MTAP: variants seen among roughly 807,000 people sequenced by gnomAD.
MTAP encodes the protein S-methyl-5'-thioadenosine phosphorylase.
Under a neutral mutation model 33.6 loss-of-function variants are expected in MTAP, and 33 were observed. The observed-to-expected ratio is 0.98, with a 90% CI of 0.74 to 1.31. MTAP has a LOEUF of 1.31. MTAP is among the 40% of genes most tolerant of loss of function. MTAP has a pLI of 0.00. For missense variants in MTAP, 367 were observed against 360.0 expected (o/e 1.02, Z -0.16); for synonymous variants, 148 against 125.7 (o/e 1.18, Z -1.19).
In MTAP at chr9:21,862,293, C is replaced by T. The variant is rs951886861; in HGVS notation, c.*279C>T. ...AAAAACCCACCATTCTCTTCTCCCC[C>T]TATTAAATTTGCAACAATAAAGGGT... is the stretch of plus-strand genomic sequence containing the variant. On this transcript the variant is annotated 3_prime_UTR_variant, in exon 8 of 8. Transcript: ENST00000644715. 3.2e-5 allele frequency: 18 copies of T among 570,742 alleles called. No homozygotes were observed. The highest frequency in any genetic ancestry group is 4.6e-5 in the Admixed American group (1 of 21,908). 35.4% of individuals were successfully genotyped at this position (570,742 alleles called of 1,614,324 possible).
At chr9:21,847,783 C>T (rs1394132570) in intron 5 of MTAP, among the ~76,000 whole-genome samples, 1 of 152,202 alleles carries the variant, frequency 6.6e-6, no homozygotes, top group Admixed American at 6.5e-5. Flanking sequence ...GAATGAAAGA[C>T]TTATCTCCTG....
At chr9:21,832,085 C>A (rs1216355305) in intron 4 of MTAP, among the ~76,000 whole-genome samples, 2 of 152,158 alleles carry the variant, frequency 1.3e-5, no homozygotes, top group African/African-American at 4.8e-5. Flanking sequence ...TGGTATCCTC[C>A]CCTCTTCAGA....
chr9:21,906,934 C>G lies in MTAP; in HGVS notation c.148-24074C>G, dbSNP rs1373340633. Among the ~76,000 whole-genome samples the G allele has an allele frequency of 3.3e-5, 5 of 152,244 alleles. No individual in the cohort carries two copies. In the South Asian group the frequency reaches 8.3e-4, roughly 25 times the overall value. On this transcript the variant is annotated intron_variant, in intron 1 of 1. Coordinates refer to the MTAP transcript ENST00000577563. ...TGTCAAAGAATGCTTGGCAGTAATT[C>G]AGTAAATTAACAGAATGTCCTGGAA...
downstream of MTAP, among the ~76,000 whole-genome samples, chr9:21,867,772 G>T (rs1380375549): frequency 1.3e-5 from 2 of 151,868 alleles, no homozygotes; most frequent in Admixed American, 6.6e-5. Flanking sequence ...GATTGAAAAA[G>T]GCTGGAACAG....
chr9:21,866,444 C>T lies in MTAP; in HGVS notation c.*4430C>T, dbSNP rs1825854408. 1 of 151,966 alleles carries T rather than the reference C, an allele frequency of 6.6e-6. No individual in the cohort carries two copies. Among genetic ancestry groups the T allele is most frequent in the Non-Finnish European group, 1.5e-5 (1 of 67,980 alleles). 9.4% of individuals were successfully genotyped at this position (151,966 alleles called of 1,614,324 possible). ...TTTTGTGTGTTCCAAGAAATCTTTG[C>T]CTACTCATTTAATTACCTGTGTGCC... On this transcript the variant is annotated 3_prime_UTR_variant, in exon 8 of 8. Coordinates refer to ENST00000644715, the MANE Select transcript of MTAP (RefSeq NM_002451.4).
At chr9:21,911,844 T>A (rs1818582739) in intron 1 of MTAP, among the ~76,000 whole-genome samples, 1 of 152,086 alleles carries the variant, frequency 6.6e-6, no homozygotes, top group Non-Finnish European at 1.5e-5. Flanking sequence ...ATCCAGGAGC[T>A]GGTTTTTTGA....
At chr9:21,805,209 C>CAG (rs80138396) in intron 1 of MTAP, among the ~76,000 whole-genome samples, 92,742 of 151,878 alleles carry the variant, frequency 0.61, 29,697 homozygotes, top group African/African-American at 0.82. Context: ...GAGATATTAA[C>CAG]GGGGTGGATC....
chr9:21,839,189 A>T (rs7046060), intron 5 of MTAP, among the ~76,000 whole-genome samples: 103,166 of 146,756 alleles, frequency 0.7, 35,785 homozygotes, highest in Admixed American at 0.77. Context: ...TTTTTTTTTT[A>T]AAAAAGTGGC....
intron 1 of MTAP, among the ~76,000 whole-genome samples, chr9:21,886,872 G>A (rs1335861052): frequency 6.6e-6 from 1 of 152,160 alleles, no homozygotes; most frequent in Non-Finnish European, 1.5e-5. Flanking sequence ...TGGATAATAT[G>A]ATACCTTCAG....
intron 4 of MTAP, among the ~76,000 whole-genome samples, chr9:21,818,894 A>G (rs1465504206): frequency 6.6e-6 from 1 of 152,174 alleles, no homozygotes. Flanking sequence ...TCTAACTGAA[A>G]TTTTGTGCTT....
chr9:21,840,093 G>C (rs1358025004), intron 5 of MTAP, among the ~76,000 whole-genome samples: 1 of 152,078 alleles, frequency 6.6e-6, no homozygotes, highest in Non-Finnish European at 1.5e-5. Context: ...AGGCATGGTG[G>C]CAGGCACCTA....
At chr9:21,853,525 G>C (rs1201571945) in intron 5 of MTAP, among the ~76,000 whole-genome samples, 1 of 152,194 alleles carries the variant, frequency 6.6e-6, no homozygotes, top group South Asian at 2.1e-4. Flanking sequence ...TAAGGAAATA[G>C]GTTAATTTGT....
intron 4 of MTAP, among the ~76,000 whole-genome samples, chr9:21,823,756 A>T (rs570484382): frequency 1.0e-3 from 157 of 152,254 alleles, no homozygotes; most frequent in East Asian, 5.8e-3. Context: ...CACCAATCAG[A>T]TGTAGATTTG....
intron 1 of MTAP, among the ~76,000 whole-genome samples, chr9:21,899,244 G>C (rs1271573789): frequency 9.7e-6 from 1 of 102,578 alleles, no homozygotes; most frequent in African/African-American, 3.8e-5. Context: ...GGGGTGGGGG[G>C]AGGGGGGAGG....
chr9:21,848,557 A>G (rs1004449935), intron 5 of MTAP, among the ~76,000 whole-genome samples: 4 of 152,198 alleles, frequency 2.6e-5, no homozygotes, highest in Non-Finnish European at 5.9e-5. Flanking sequence ...CAAGCTGGAA[A>G]TGCCTGATCT....
chr9:21,810,221 T>G (rs1371109166), intron 1 of MTAP, among the ~76,000 whole-genome samples: 2 of 152,208 alleles, frequency 1.3e-5, no homozygotes, highest in African/African-American at 4.8e-5. Flanking sequence ...TCAGTCTGCT[T>G]GGCTTGTACA....
intron 1 of MTAP, among the ~76,000 whole-genome samples, chr9:21,809,271 A>G (rs184089861): frequency 6.6e-6 from 1 of 152,178 alleles, no homozygotes; most frequent in African/African-American, 2.4e-5. Context: ...AGGTTCTGGG[A>G]ATTAGGATGT....
intron 1 of MTAP, among the ~76,000 whole-genome samples, chr9:21,912,619 G>A (rs1052580378): frequency 1.9e-4 from 29 of 152,202 alleles, no homozygotes; most frequent in Non-Finnish European, 3.7e-4. Context: ...GCTAGGTATT[G>A]TTGGGATGTA....
chr9:21,935,268 G>A (rs541117791), downstream of MTAP: 1 of 152,012 alleles, frequency 6.6e-6, no homozygotes, highest in East Asian at 1.9e-4. Context: ...TTTTTAATAC[G>A]GGTACTTAAA....
Sources: allele counts gnomAD v4.1 joint callset (sites outside exome capture counted in the v4.1 genomes callset), GRCh38; gene constraint gnomAD v4.1.1; transcripts MANE v1.5; gene names NCBI Gene and HGNC (gene_info 2026-07-23, HGNC 2026-07-21).